The following GALNTL6 variants were observed in gnomAD, a reference collection of about 807,000 sequenced individuals.
The protein encoded by GALNTL6 is polypeptide N-acetylgalactosaminyltransferase like 6, also known as polypeptide N-acetylgalactosaminyltransferase-like 6.
Under a neutral mutation model 73.7 loss-of-function variants are expected in GALNTL6, and 46 were observed. That is an observed-to-expected ratio of 0.62 (90% CI 0.49 to 0.80). GALNTL6 has a LOEUF of 0.80. Ranked by LOEUF, GALNTL6 falls within the 30% of genes least tolerant of loss-of-function variation. The pLI is 0.00. For synonymous variants in GALNTL6, 259 were observed against 263.7 expected (o/e 0.98, Z 0.17); for missense variants, 604 against 755.0 (o/e 0.80, Z 2.34).
chr4:172,014,234 G>A (rs1041912170), intron 2 of GALNTL6, among the ~76,000 whole-genome samples: 2 of 151,828 alleles, frequency 1.3e-5, no homozygotes, highest in Non-Finnish European at 2.9e-5. Flanking sequence ...TGGGTATATG[G>A]TGAGCAGTGA....
chr4:172,104,069 G>A (rs541013148), intron 2 of GALNTL6, among the ~76,000 whole-genome samples: 149 of 151,190 alleles, frequency 9.9e-4, no homozygotes, highest in Middle Eastern at 3.4e-3. Context: ...TCAGCCTCCC[G>A]AGTAGCTGGG....
At chr4:172,499,862 G>C (rs1734199840) in intron 5 of GALNTL6, among the ~76,000 whole-genome samples, 3 of 152,126 alleles carry the variant, frequency 2.0e-5, no homozygotes, top group Admixed American at 2.0e-4. Context: ...CTGAAAAACA[G>C]AGAAAATACA....
intron 2 of GALNTL6, among the ~76,000 whole-genome samples, chr4:171,855,170 G>C (rs1735653153): frequency 6.6e-6 from 1 of 152,090 alleles, no homozygotes; most frequent in South Asian, 2.1e-4. Flanking sequence ...TTGTGTTGTA[G>C]AATCTATGGG....
chr4:172,057,695 C>G (rs1247413570), intron 2 of GALNTL6, among the ~76,000 whole-genome samples: 2 of 101,532 alleles, frequency 2.0e-5, no homozygotes, highest in African/African-American at 8.6e-5. Context: ...GACACAGACC[C>G]TGTCTCAAAA....
intron 2 of GALNTL6, among the ~76,000 whole-genome samples, chr4:171,859,227 A>G (rs1297049157): frequency 2.0e-5 from 3 of 152,224 alleles, no homozygotes; most frequent in Non-Finnish European, 4.4e-5. Flanking sequence ...CACAAGAGCT[A>G]ATGCTCTGGG....
intron 2 of GALNTL6, among the ~76,000 whole-genome samples, chr4:172,192,122 TATTA>T (rs1399696576): frequency 6.6e-6 from 1 of 152,114 alleles, no homozygotes; most frequent in African/African-American, 2.4e-5. Flanking sequence ...GGTGTAATAA[TATTA>T]ATTGTAATTA....
At position 172,486,109 on chromosome 4, in the gene GALNTL6, G is replaced by A. The variant is rs1579118129; in HGVS notation, c.553+137420G>A. 3.9e-5 allele frequency among the ~76,000 whole-genome samples: 6 copies of A among 152,282 alleles called. No homozygotes were observed. The South Asian group carries it at 1.2e-3, about 32-fold the overall frequency. On this transcript the variant is annotated intron_variant, in intron 5 of 12. Transcript: ENST00000506823. ...GATATGATGTGCGCTGGAGATTTTA[G>A]TCTAATAGTAGACACTGAAATATTT... is the stretch of plus-strand genomic sequence containing the variant.
intron 2 of GALNTL6, among the ~76,000 whole-genome samples, chr4:171,930,825 ACT>A (rs1738162276): frequency 1.3e-5 from 2 of 152,122 alleles, no homozygotes; most frequent in Non-Finnish European, 2.9e-5. Context: ...ACAGAGCGAG[ACT>A]CTGTCTCAAA....
At chr4:172,775,267 C>T (rs895113429) in intron 5 of GALNTL6, among the ~76,000 whole-genome samples, 2 of 151,974 alleles carry the variant, frequency 1.3e-5, no homozygotes, top group Admixed American at 6.6e-5. Context: ...CCAGGACTGA[C>T]CTTGATGTTG....
chr4:172,121,436 T>C (rs1733149030), intron 2 of GALNTL6, among the ~76,000 whole-genome samples: 1 of 152,254 alleles, frequency 6.6e-6, no homozygotes, highest in South Asian at 2.1e-4. Context: ...CACAAGTGAC[T>C]CCATTTTGAT....
chr4:172,006,116 A>G (rs934246625), intron 2 of GALNTL6, among the ~76,000 whole-genome samples: 27 of 152,200 alleles, frequency 1.8e-4, no homozygotes, highest in African/African-American at 6.3e-4. Flanking sequence ...TCTACGAGTC[A>G]TGCTATTATC....
At chr4:172,339,822 G>T (rs919315240) in intron 4 of GALNTL6, among the ~76,000 whole-genome samples, 2 of 152,120 alleles carry the variant, frequency 1.3e-5, no homozygotes, top group African/African-American at 4.8e-5. Flanking sequence ...ATGCTGACAC[G>T]GGGGCTGTTT....
intron 5 of GALNTL6, among the ~76,000 whole-genome samples, chr4:172,703,037 T>A (rs1349386122): frequency 2.0e-5 from 3 of 151,978 alleles, no homozygotes; most frequent in Non-Finnish European, 4.4e-5. Flanking sequence ...TCCTCTAAAT[T>A]TGTATGCTTT....
chr4:171,941,587 T>C (rs921124954), intron 2 of GALNTL6, among the ~76,000 whole-genome samples: 5 of 152,216 alleles, frequency 3.3e-5, no homozygotes, highest in African/African-American at 9.6e-5. Flanking sequence ...ATCTTTACGA[T>C]TACTTTGAGG....
chr4:172,381,236 C>T (rs970225733), intron 5 of GALNTL6, among the ~76,000 whole-genome samples: 15 of 152,148 alleles, frequency 9.9e-5, no homozygotes, highest in African/African-American at 2.9e-4. Flanking sequence ...AAAGCTATTT[C>T]CTTTTTACTT....
At chr4:172,990,431 G>A (rs1029722126) in intron 10 of GALNTL6, among the ~76,000 whole-genome samples, 5 of 152,202 alleles carry the variant, frequency 3.3e-5, no homozygotes, top group African/African-American at 9.7e-5. Context: ...AAGATCAGCA[G>A]TATGTCAAGC....
intron 2 of GALNTL6, among the ~76,000 whole-genome samples, chr4:172,090,038 T>C (rs749192021): frequency 1.1e-4 from 17 of 152,226 alleles, no homozygotes; most frequent in Non-Finnish European, 8.8e-5. Flanking sequence ...AACTCATCCT[T>C]TTTATGGCTG....
chr4:172,729,173 C>A (rs933738062), intron 5 of GALNTL6, among the ~76,000 whole-genome samples: 10 of 152,056 alleles, frequency 6.6e-5, no homozygotes, highest in African/African-American at 2.4e-4. Flanking sequence ...TCCTATTCTG[C>A]AGGTTGTCTA....
chr4:171,869,740 A>G (rs1736084021), intron 2 of GALNTL6, among the ~76,000 whole-genome samples: 1 of 152,066 alleles, frequency 6.6e-6, no homozygotes, highest in African/African-American at 2.4e-5. Context: ...GTGGGAGATA[A>G]CTGAATCATG....
Sources: allele counts gnomAD v4.1 joint callset (sites outside exome capture counted in the v4.1 genomes callset), GRCh38; gene constraint gnomAD v4.1.1; transcripts MANE v1.5; gene names NCBI Gene and HGNC (gene_info 2026-07-23, HGNC 2026-07-21).